The following PLXNB3 variants were observed in gnomAD, a reference collection of about 807,000 sequenced individuals.
The protein encoded by PLXNB3 is plexin-B3.
In PLXNB3, 80 loss-of-function variants were observed where a neutral mutation model predicts 125.7. The ratio of observed to expected loss-of-function variants is 0.64; its 90% CI spans 0.53 to 0.77. PLXNB3 has a LOEUF of 0.77. Ranked by LOEUF, PLXNB3 falls within the 30% of genes least tolerant of loss-of-function variation. The pLI is 0.00. For missense variants in PLXNB3, 1,836 were observed against 1,729.3 expected (o/e 1.06, Z -1.09); for synonymous variants, 954 against 783.3 (o/e 1.22, Z -3.64).
Position 153,771,640 on chromosome X carries a change from G to A in PLXNB3, c.2502G>A (p.Ala834=), listed in dbSNP as rs782234472. 5.1e-5 allele frequency: 60 copies of A among 1,188,071 alleles called. No homozygotes were observed. The highest frequency in any genetic ancestry group is 6.3e-4 in the Middle Eastern group (2 of 3,188). Reference sequence around the variant, plus strand: ...GGGCTGTGGAGCTGCTGTGTCCTGCGCCCAGCATTGATGCAGTGAGTCTCC... The same window carrying A: ...GGGCTGTGGAGCTGCTGTGTCCTGCACCCAGCATTGATGCAGTGAGTCTCC... ...PPGAVELLCP[A]PSIDAVEPLT... The change falls in exon 14 of 36, where the codon GCG becomes GCA. Residue 834 remains alanine (A), a synonymous_variant. Coordinates refer to ENST00000361971, the MANE Select transcript of PLXNB3 (RefSeq NM_005393.3).
At position 153,767,301 on chromosome X, in the gene PLXNB3, T is replaced by C. The variant is rs2091869307; in HGVS notation, c.474T>C (p.Pro158=). ...AGGTGCTGTACCAGGCTGAGGACCC[T>C]GGTGACGGGCAGTTTGTGGCTGCCA... ...VAEVLYQAED[P]GDGQFVAANT... is the part of the protein sequence containing the mutation. Residue 158 remains proline, a synonymous_variant, in exon 3 of 36, where the codon CCT becomes CCC. Coordinates refer to ENST00000361971, the MANE Select transcript of PLXNB3 (RefSeq NM_005393.3). 2.5e-6 allele frequency: 3 copies of C among 1,206,168 alleles called. No individual in the cohort carries two copies. The highest frequency in any genetic ancestry group is 2.2e-6 in the Non-Finnish European group (2 of 893,001).
At position 153,772,295 on chromosome X, in the gene PLXNB3, G is replaced by A. The variant is rs1341177550; in HGVS notation, c.2775+8G>A. 2 of 1,161,400 alleles carry A rather than the reference G, an allele frequency of 1.7e-6. No homozygotes were observed. Among genetic ancestry groups the A allele is most frequent in the Non-Finnish European group, 2.3e-6 (2 of 852,930 alleles). ...CAGCACTTCACCTACCAGGTCAGTG[G>A]CCTCCCAGGTGTGCCCTACGCAGGG... On this transcript the variant is annotated splice_region_variant and intron_variant, in intron 16 of 35. Transcript: ENST00000361971.
Position 153,769,153 on chromosome X carries a change from C to T in PLXNB3, c.1396-9C>T, listed in dbSNP as rs1307468934. ...TGCCCATTGCCTCTCTGCTCTGCTG[C>T]CCCTCCAGGTGGACCGGATACCTGT... On this transcript the variant is annotated splice_polypyrimidine_tract_variant and intron_variant, in intron 5 of 35. Transcript: ENST00000361971. 1.7e-6 allele frequency: 2 copies of T among 1,193,124 alleles called. No homozygotes were observed. Among genetic ancestry groups the T allele is most frequent in the Admixed American group, 2.3e-5 (1 of 43,903 alleles).
At position 153,776,400 on chromosome X, in the gene PLXNB3, G is replaced by A. The variant is rs2091986563; in HGVS notation, c.4774G>A (p.Asp1592Asn). 1.7e-6 allele frequency: 2 copies of A among 1,194,430 alleles called. No homozygotes were observed. The highest frequency in any genetic ancestry group is 2.3e-6 in the Non-Finnish European group (2 of 887,438). The change falls in exon 28 of 36, where the codon GAC (aspartate) becomes AAC (asparagine). Residue 1592 changes from aspartate (D) to asparagine (N), a missense_variant. Coordinates refer to ENST00000361971, the MANE Select transcript of PLXNB3 (RefSeq NM_005393.3). Reference sequence around the variant, plus strand: ...TGGTCACCTGACCCTATCGGACGAAGACTTGACCTCCGTGACCCAAAACCA... The same window carrying A: ...TGGTCACCTGACCCTATCGGACGAAAACTTGACCTCCGTGACCCAAAACCA... ...LAGHLTLSDE[D>N]LTSVTQNHWK...
intron 16 of PLXNB3, chrX:153,772,645 G>C (rs1047851969): frequency 1.4e-5 from 13 of 958,787 alleles, no homozygotes; most frequent in Non-Finnish European, 1.6e-5. Context: ...GTCCCAAGGG[G>C]GACAGAGTGG....
intron 2 of PLXNB3, chrX:153,766,383 CTG>C (rs2148411820): frequency 3.6e-6 from 4 of 1,103,475 alleles, no homozygotes; most frequent in East Asian, 3.4e-5. Flanking sequence ...CTCCTCTCAC[CTG>C]ACTTAGATCT....
In PLXNB3 at chrX:153,775,638, T is replaced by C; in HGVS notation, c.4379T>C (p.Ile1460Thr). ...VEKLLTNWLSICLYAFLREVA... is the reference protein window; with the variant it reads ...VEKLLTNWLSTCLYAFLREVA... The stretch of plus-strand genomic sequence containing the variant: ...AAACTGCTCACCAACTGGCTGTCCA[T>C]CTGCCTGTACGCCTTCCTGAGGGTG... Residue 1460 changes from isoleucine to threonine, a missense_variant, in exon 26 of 36, where the codon ATC (isoleucine) becomes ACC (threonine). Coordinates refer to ENST00000361971, the MANE Select transcript of PLXNB3 (RefSeq NM_005393.3). The C allele has an allele frequency of 3.3e-6, 4 of 1,210,760 alleles. No individual in the cohort carries two copies. The highest frequency in any genetic ancestry group is 3.4e-6 in the Non-Finnish European group (3 of 895,018).
In PLXNB3 at chrX:153,773,939, G is replaced by A; in HGVS notation, c.3360G>A (p.Gln1120=). The part of the protein sequence containing the change: ...SPAVPDRAHP[Q]RVFFTLDNVQ... ...CTGTACCAGACAGAGCCCACCCGCA[G>A]CGGGTCTTCTTCACCCTAGACAACG... The change falls in exon 20 of 36, where the codon CAG becomes CAA. Residue 1120 remains glutamine (Q), a synonymous_variant. Transcript: ENST00000361971. The A allele has an allele frequency of 8.3e-7, 1 of 1,211,202 alleles. No homozygotes were observed. The highest frequency in any genetic ancestry group is 1.1e-6 in the Non-Finnish European group (1 of 895,403).
In PLXNB3 at chrX:153,776,453, C is replaced by T. The variant is rs782421505; in HGVS notation, c.4827C>T (p.His1609=). Residue 1609 remains histidine (H), a synonymous_variant, in exon 28 of 36, where the codon CAC becomes CAT. Transcript: ENST00000361971. Reference sequence around the variant, plus strand: ...GGAAGAGACTCAACACCTTGCAACACTACAAGGTGTGAGCAGGGACGGGGC... The same window carrying T: ...GGAAGAGACTCAACACCTTGCAACATTACAAGGTGTGAGCAGGGACGGGGC... ...NHWKRLNTLQ[H]YKVPDGATVG... 9.8e-7 allele frequency: 1 copy of T among 1,022,499 alleles called. No homozygotes were observed. Among genetic ancestry groups the T allele is most frequent in the East Asian group, 3.2e-5 (1 of 31,169 alleles). The allele number at this position is 1,022,499 out of a possible 1,213,427, so 84.3% of individuals were successfully genotyped here.
chrX:153,770,349 G>A lies in PLXNB3; in HGVS notation c.1798G>A (p.Val600Met), dbSNP rs1557061244. The A allele has an allele frequency of 1.7e-6, 2 of 1,209,686 alleles. No individual in the cohort carries two copies. Among genetic ancestry groups the A allele is most frequent in the Non-Finnish European group, 1.1e-6 (1 of 894,181 alleles). ...LNPPGTDHVT[V>M]PLALMFEDVT... is the part of the protein sequence containing the mutation. Reference sequence around the variant, plus strand: ...CTGTCCCCTCCCAGACCACGTCACTGTGCCCCTGGCCCTGATGTTCGAGGA... The same window carrying A: ...CTGTCCCCTCCCAGACCACGTCACTATGCCCCTGGCCCTGATGTTCGAGGA... Residue 600 changes from valine to methionine, a missense_variant, in exon 9 of 36, where the codon GTG becomes ATG. Coordinates refer to ENST00000361971, the MANE Select transcript of PLXNB3 (RefSeq NM_005393.3).
intron 29 of PLXNB3, 78 bp from the exon 30 acceptor site, chrX:153,777,130 C>T (rs2092006243): frequency 9.3e-7 from 1 of 1,074,014 alleles, no homozygotes; most frequent in African/African-American, 1.9e-5. Context: ...ACTGCCCCAC[C>T]TTGTCGGGGG....
chrX:153,776,530 TGGGGC>T (rs1557064367), intron 28 of PLXNB3, 71 bp downstream of exon 28: 177 of 17,185 alleles, frequency 0.01, 31 homozygotes, highest in African/African-American at 0.09. Context: ...AGGGCGGGGC[TGGGGC>T]GGGGCGAGGC....
Position 153,772,900 on chromosome X carries a change from G to A in PLXNB3, c.2790G>A (p.Leu930=), listed in dbSNP as rs1557062492. 2.6e-6 allele frequency: 3 copies of A among 1,144,570 alleles called. No homozygotes were observed. Among genetic ancestry groups the A allele is most frequent in the Admixed American group, 6.0e-5 (2 of 33,088 alleles). The allele number at this position is 1,144,570 out of a possible 1,213,427, so 94.3% of individuals were successfully genotyped here. A position where few individuals can be genotyped will look rare whatever the true frequency, so the allele number is the denominator to read the frequency against. ...QHFTYQDPVL[L]SLSPRWGPQA... The stretch of plus-strand genomic sequence containing the variant: ...CTGTTCGCCAGGACCCTGTCCTGCT[G>A]AGCCTGAGTCCTCGCTGGGGCCCCC... Residue 930 remains leucine (L), a synonymous_variant, in exon 17 of 36, where the codon CTG becomes CTA. Coordinates refer to ENST00000361971, the MANE Select transcript of PLXNB3 (RefSeq NM_005393.3).
Position 153,774,824 on chromosome X carries a change from G to C in PLXNB3, c.3931+18G>C, listed in dbSNP as rs1557063429. 1.7e-6 allele frequency: 2 copies of C among 1,209,867 alleles called. No individual in the cohort carries two copies. Among genetic ancestry groups the C allele is most frequent in the Middle Eastern group, 2.3e-4 (1 of 4,344 alleles). The stretch of plus-strand genomic sequence containing the variant: ...GTTCACAGGTGGGTGCGGAGGCGGG[G>C]GGACAGGGTACCCACGAGGCCTGAA... On this transcript the variant is annotated intron_variant, in intron 23 of 35. Transcript: ENST00000361971.
In PLXNB3 at chrX:153,770,158, G is replaced by C; in HGVS notation, c.1696G>C (p.Asp566His). The change falls in exon 8 of 36, where the codon GAC (aspartate) becomes CAC (histidine). Residue 566 changes from aspartate to histidine, a missense_variant. Coordinates refer to ENST00000361971, the MANE Select transcript of PLXNB3 (RefSeq NM_005393.3). ...ADEYFHCAFG[D>H]YDSLAHVEGP... Reference sequence around the variant, plus strand: ...TGAATACTTCCATTGTGCGTTCGGGGACTATGACAGCTTGGCTCATGTGGA... The same window carrying C: ...TGAATACTTCCATTGTGCGTTCGGGCACTATGACAGCTTGGCTCATGTGGA... 8.3e-7 allele frequency: 1 copy of C among 1,211,207 alleles called. No homozygotes were observed. Among genetic ancestry groups the C allele is most frequent in the East Asian group, 3.0e-5 (1 of 33,859 alleles).
intron 28 of PLXNB3, 32 bp from the exon 29 acceptor site, chrX:153,776,843 CCTGGCTAGGGGT>C (rs1557064541): frequency 2.1e-6 from 2 of 941,094 alleles, no homozygotes; most frequent in Non-Finnish European, 1.5e-6. Context: ...GGTGTAGGCG[CCTGGCTAGGGGT>C]CAGCACAGCC....
chrX:153,770,894 A>G lies in PLXNB3; in HGVS notation c.2136+11A>G. The stretch of plus-strand genomic sequence containing the variant: ...CTTCAACATTTCCGAGTGAGCCATC[A>G]GGAGGGAAGGGGACAGGGCAGTGAG... On this transcript the variant is annotated intron_variant, in intron 11 of 35. Transcript: ENST00000361971. The G allele has an allele frequency of 6.6e-6, 8 of 1,204,323 alleles. No individual in the cohort carries two copies. Among genetic ancestry groups the G allele is most frequent in the Non-Finnish European group, 5.6e-6 (5 of 890,328 alleles).
At chrX:153,766,693 C>T (rs1557059314) in intron 2 of PLXNB3, 180 bp from the exon 3 acceptor site, 2 of 733,071 alleles carry the variant, frequency 2.7e-6, no homozygotes, top group East Asian at 1.6e-4. Flanking sequence ...CCTTATGTCC[C>T]CCTCTCTCTG....
Position 153,774,104 on chromosome X carries a change from G to A in PLXNB3, c.3519+6G>A. 4.2e-6 allele frequency: 5 copies of A among 1,190,596 alleles called. No homozygotes were observed. Among genetic ancestry groups the A allele is most frequent in the Non-Finnish European group, 4.5e-6 (4 of 886,075 alleles). On this transcript the variant is annotated splice_donor_region_variant and intron_variant, in intron 20 of 35. Coordinates refer to ENST00000361971, the MANE Select transcript of PLXNB3 (RefSeq NM_005393.3). ...GCCATGTCCTGGATGTGGAGGTGAG[G>A]GCCACCTTCAACCCTGCCCCGCCAC...
Sources: gnomAD v4.1 joint callset for allele counts on GRCh38, gnomAD v4.1.1 for gene constraint, MANE v1.5 for transcripts, NCBI Gene and HGNC (gene_info 2026-07-23, HGNC 2026-07-21) for gene names.